DCLK1: variants seen among roughly 807,000 people sequenced by gnomAD.
DCLK1 encodes the protein serine/threonine-protein kinase DCLK1.
A neutral mutation model predicts 86.2 loss-of-function variants in DCLK1; 16 were observed. The ratio of observed to expected loss-of-function variants is 0.19; its 90% CI spans 0.13 to 0.28. The LOEUF (loss-of-function observed/expected upper bound fraction) is 0.28, where lower values mean the gene tolerates loss of function less well. Ranked by LOEUF, DCLK1 falls within the 10% of genes least tolerant of loss-of-function variation. DCLK1 has a pLI of 1.00. For synonymous variants in DCLK1, 369 were observed against 370.5 expected (o/e 1.00, Z 0.05); for missense variants, 590 against 940.2 (o/e 0.63, Z 4.87).
At chr13:35,849,771 T>TG in intron 6 of DCLK1, 1 of 985,230 alleles carries the variant, frequency 1.0e-6, no homozygotes, top group Non-Finnish European at 1.2e-6. Context: ...TTGGATACTC[T>TG]GGGCCTGATT....
intron 4 of DCLK1, among the ~76,000 whole-genome samples, chr13:35,925,960 C>CA (rs1308740272): frequency 6.6e-6 from 1 of 152,082 alleles, no homozygotes; most frequent in Non-Finnish European, 1.5e-5. Context: ...CCGTAGTTTG[C>CA]AGTTTGTATA....
chr13:35,915,481 G>T (rs988075488), intron 4 of DCLK1, among the ~76,000 whole-genome samples: 3 of 152,150 alleles, frequency 2.0e-5, no homozygotes, highest in Non-Finnish European at 2.9e-5. Context: ...CAGGAGGATC[G>T]CTTGAGCTCA....
Position 35,978,476 on chromosome 13 carries a change from G to C in DCLK1, c.724-31019C>G, listed in dbSNP as rs150074520. Among the ~76,000 whole-genome samples, 78 of 152,064 alleles carry C rather than the reference G, an allele frequency of 5.1e-4. 1 individual carries two copies. The East Asian group carries it at 0.015, about 28-fold the overall frequency. ...CCACCTTGGCCTCCCAAAGTGCTGG[G>C]ATTACCGGCGTGAGCCACCGTGCCC... On this transcript the variant is annotated intron_variant, in intron 3 of 16. Coordinates refer to ENST00000360631, the MANE Select transcript of DCLK1 (RefSeq NM_001330071.2).
intron 3 of DCLK1, among the ~76,000 whole-genome samples, chr13:36,037,027 T>A (rs1346687192): frequency 6.6e-6 from 1 of 151,444 alleles, no homozygotes; most frequent in Non-Finnish European, 1.5e-5. Flanking sequence ...GATATATATA[T>A]CACACACACA....
At position 36,004,538 on chromosome 13, in the gene DCLK1, A is replaced by G. The variant is rs1278919573; in HGVS notation, c.724-57081T>C. On this transcript the variant is annotated intron_variant, in intron 3 of 16. Transcript: ENST00000360631. The stretch of plus-strand genomic sequence containing the variant: ...TAAATTCATGTTATCTTAAGAAGAG[A>G]ATACTCAGTGAGGCACAAAATTGCT... Among the ~76,000 whole-genome samples, 6 of 152,314 alleles carry G rather than the reference A, an allele frequency of 3.9e-5. No homozygotes were observed. The East Asian group carries it at 1.2e-3, about 29-fold the overall frequency.
intron 4 of DCLK1, among the ~76,000 whole-genome samples, chr13:35,890,794 T>C (rs1017094453): frequency 6.6e-6 from 1 of 152,034 alleles, no homozygotes; most frequent in African/African-American, 2.4e-5. Context: ...ACTTAGTAAA[T>C]TGAAAACTTT....
chr13:35,836,083 T>A lies in DCLK1; in HGVS notation c.1179A>T (p.Gly393=), dbSNP rs767586545. Residue 393 remains glycine, a synonymous_variant, in exon 8 of 17, where the codon GGA becomes GGT. Transcript: ENST00000360631. ...PATITERYKV[G]RTIGDGNFAV... ...CAAAATTTCCATCTCCTATTGTTCTTCCGACTTTATATCGTTCTGTTATTG... is the reference window on the plus strand; with the variant it reads ...CAAAATTTCCATCTCCTATTGTTCTACCGACTTTATATCGTTCTGTTATTG... 4 of 1,613,778 alleles carry A rather than the reference T, an allele frequency of 2.5e-6. No homozygotes were observed. The highest frequency in any genetic ancestry group is 3.4e-6 in the Non-Finnish European group (4 of 1,179,966).
At chr13:35,864,564 C>CAAAA (rs1191888940) in intron 5 of DCLK1, among the ~76,000 whole-genome samples, 3 of 20,732 alleles carry the variant, frequency 1.4e-4, no homozygotes, top group African/African-American at 1.0e-3. Context: ...GACTCCGTCT[C>CAAAA]AAAAAAAAAA....
chr13:35,950,762 C>T (rs1239525403), intron 3 of DCLK1, among the ~76,000 whole-genome samples: 1 of 152,092 alleles, frequency 6.6e-6, no homozygotes, highest in Non-Finnish European at 1.5e-5. Flanking sequence ...AAGCACCTTT[C>T]CAAGCTTTTC....
intron 4 of DCLK1, among the ~76,000 whole-genome samples, chr13:35,901,379 A>C (rs1874346934): frequency 6.8e-6 from 1 of 147,680 alleles, no homozygotes; most frequent in Non-Finnish European, 1.5e-5. Context: ...AGTCCCAGTT[A>C]CTTGGGAGGC....
chr13:36,054,767 G>C (rs989193067), intron 3 of DCLK1, among the ~76,000 whole-genome samples: 17 of 152,130 alleles, frequency 1.1e-4, no homozygotes, highest in African/African-American at 4.1e-4. Context: ...ACAGAAGCTA[G>C]GAGTGTGTAT....
intron 5 of DCLK1, among the ~76,000 whole-genome samples, chr13:35,868,035 T>C (rs1185400133): frequency 1.3e-5 from 2 of 148,482 alleles, no homozygotes; most frequent in East Asian, 3.9e-4. Flanking sequence ...TTTTTTTTTT[T>C]TTTTTGAGAT....
At chr13:35,817,791 C>G (rs1312276388) in intron 11 of DCLK1, among the ~76,000 whole-genome samples, 1 of 152,156 alleles carries the variant, frequency 6.6e-6, no homozygotes. Flanking sequence ...TTTTAGCAGG[C>G]TTGTCATACT....
chr13:35,822,330 A>AT (rs199560939), intron 11 of DCLK1, among the ~76,000 whole-genome samples: 23,908 of 151,386 alleles, frequency 0.16, 2,797 homozygotes, highest in African/African-American at 0.33. Flanking sequence ...ATTAAAAAAA[A>AT]TTTTTTTTGT....
At chr13:35,972,194 T>G (rs1286128950) in intron 3 of DCLK1, among the ~76,000 whole-genome samples, 1 of 152,170 alleles carries the variant, frequency 6.6e-6, no homozygotes, top group Non-Finnish European at 1.5e-5. Flanking sequence ...TGAGGTCCTT[T>G]CTGTGGCTCT....
chr13:36,093,973 C>A (rs1306261478), intron 3 of DCLK1, among the ~76,000 whole-genome samples: 1 of 152,040 alleles, frequency 6.6e-6, no homozygotes, highest in African/African-American at 2.4e-5. Flanking sequence ...AGTATGGTAT[C>A]AAACTCCTGG....
At chr13:36,046,869 C>G in intron 3 of DCLK1, among the ~76,000 whole-genome samples, 1 of 152,284 alleles carries the variant, frequency 6.6e-6, no homozygotes, top group Non-Finnish European at 1.5e-5. Flanking sequence ...AAGTCAGAAC[C>G]AAGTTTGCAT....
At chr13:35,817,177 G>A (rs1223515315) in intron 11 of DCLK1, among the ~76,000 whole-genome samples, 1 of 152,164 alleles carries the variant, frequency 6.6e-6, no homozygotes, top group Non-Finnish European at 1.5e-5. Flanking sequence ...GGTGACACAA[G>A]GTGAAAATCA....
rs1023463218 is a variant in DCLK1 at position 35,770,351 on chromosome 13, C to T, written c.*4184G>A. ...TGTATTATTTTCCCCTGCTTCTTTT[C>T]ATATCTGAATTGTCAAAAAATGTTA... is the stretch of plus-strand genomic sequence containing the variant. On this transcript the variant is annotated 3_prime_UTR_variant, in exon 17 of 17. Transcript: ENST00000360631. 3.9e-5 allele frequency: 6 copies of T among 152,192 alleles called. No individual in the cohort carries two copies. Among genetic ancestry groups the T allele is most frequent in the Non-Finnish European group, 8.8e-5 (6 of 68,036 alleles). The allele number at this position is 152,192 out of a possible 1,614,324, so 9.4% of individuals were successfully genotyped here. A position where few individuals can be genotyped will look rare whatever the true frequency, so the allele number is the denominator to read the frequency against.
Sources: gnomAD v4.1 joint callset for allele counts (sites outside exome capture counted in the v4.1 genomes callset) on GRCh38, gnomAD v4.1.1 for gene constraint, MANE v1.5 for transcripts, NCBI Gene and HGNC (gene_info 2026-07-23, HGNC 2026-07-21) for gene names.